MTFR1: variants seen among roughly 807,000 people sequenced by gnomAD.
MTFR1 encodes mitochondrial fission regulator 1.
A neutral mutation model predicts 38.8 loss-of-function variants in MTFR1; 28 were observed. The observed-to-expected ratio is 0.72, with a 90% CI of 0.53 to 0.99. The LOEUF (loss-of-function observed/expected upper bound fraction) is 0.99. Ranked by LOEUF, MTFR1 falls within the 50% of genes least tolerant of loss-of-function variation. The probability of loss-of-function intolerance (pLI) is 0.00; values close to 1 mark genes in which losing one functional copy is unlikely to be tolerated. For synonymous variants in MTFR1, 145 were observed against 137.0 expected (o/e 1.06, Z -0.41); for missense variants, 358 against 395.5 (o/e 0.91, Z 0.81).
chr8:65,747,203 C>A (rs1366902910), intron 3 of MTFR1, among the ~76,000 whole-genome samples: 3 of 152,150 alleles, frequency 2.0e-5, no homozygotes, highest in Non-Finnish European at 4.4e-5. Flanking sequence ...CACACACACA[C>A]ACAAAAAAGA....
Position 65,693,629 on chromosome 8 carries a change from A to G in MTFR1, c.166-15A>G, listed in dbSNP as rs75231692. 2.8e-3 allele frequency: 4,583 copies of G among 1,608,424 alleles called. 123 individuals are homozygous for G. In the African/African-American group the frequency reaches 0.054, roughly 19 times the overall value. On this transcript the variant is annotated splice_polypyrimidine_tract_variant and intron_variant, in intron 3 of 7. Transcript: ENST00000262146. ...CCATCTTTGGTGAAGAACTTTCCCTATTTATAACTTACAGATTAACAGCCA... is the reference window on the plus strand; with the variant it reads ...CCATCTTTGGTGAAGAACTTTCCCTGTTTATAACTTACAGATTAACAGCCA...
chr8:65,739,527 A>C (rs776319034), intron 3 of MTFR1: 1 of 1,569,772 alleles, frequency 6.4e-7, no homozygotes, highest in South Asian at 1.2e-5. Context: ...GTTTCATCAT[A>C]TCTAAATGGA....
intron 3 of MTFR1, among the ~76,000 whole-genome samples, chr8:65,749,322 T>A (rs1807826311): frequency 6.6e-6 from 1 of 152,210 alleles, no homozygotes; most frequent in African/African-American, 2.4e-5. Context: ...ATACTATTTT[T>A]AAAATATCTG....
chr8:65,690,750 G>A (rs1387175589), intron 3 of MTFR1, among the ~76,000 whole-genome samples: 2 of 152,110 alleles, frequency 1.3e-5, no homozygotes, highest in East Asian at 3.9e-4. Context: ...AAAGGGTCAT[G>A]ATCAGATTGA....
downstream of MTFR1, among the ~76,000 whole-genome samples, chr8:65,773,033 T>G (rs1238314954): frequency 6.6e-6 from 1 of 151,964 alleles, no homozygotes; most frequent in Non-Finnish European, 1.5e-5. Flanking sequence ...GAAAAAGTTT[T>G]GTAAGCTAAC....
At chr8:65,699,072 TTACAAG>T (rs1228788562) in intron 4 of MTFR1, among the ~76,000 whole-genome samples, 1 of 152,192 alleles carries the variant, frequency 6.6e-6, no homozygotes, top group Non-Finnish European at 1.5e-5. Flanking sequence ...TAGCTCTCAT[TTACAAG>T]TGAGAACATG....
chr8:65,745,447 A>G, intron 3 of MTFR1: 6 of 1,573,598 alleles, frequency 3.8e-6, no homozygotes, highest in African/African-American at 1.3e-5. Context: ...CAAAATTCCA[A>G]TTTCCAACTT....
rs112899909 is a variant in MTFR1, at chr8:65,724,425, G to A, written c.*48+4944G>A. On this transcript the variant is annotated intron_variant, in intron 3 of 3. Transcript: ENST00000521247. ...AATAATACCAAAGAACCAAGTGCAA[G>A]GACTGGATTAACCATAAATATAAAT... The A allele has an allele frequency of 5.4e-3, 4,890 of 912,212 alleles. 158 individuals are homozygous for A. The African/African-American group carries it at 0.072, about 13-fold the overall frequency. The allele number at this position is 912,212 out of a possible 1,614,324, so 56.5% of individuals were successfully genotyped here.
chr8:65,744,487 C>T (rs1202113508), intron 3 of MTFR1, among the ~76,000 whole-genome samples: 1 of 152,132 alleles, frequency 6.6e-6, no homozygotes, highest in Non-Finnish European at 1.5e-5. Context: ...AATAAGAAAA[C>T]ATGACCCCTC....
intron 4 of MTFR1, 76 bp from the exon 5 acceptor site, chr8:65,704,618 T>C: frequency 1.7e-6 from 2 of 1,204,030 alleles, no homozygotes; most frequent in Admixed American, 1.9e-5. Context: ...TTAATGCGGA[T>C]ACACTGTCAG....
the MTFR1 span, among the ~76,000 whole-genome samples, chr8:65,777,077 CTTTT>C: frequency 2.2e-5 from 2 of 90,458 alleles, no homozygotes; most frequent in Non-Finnish European, 2.1e-5. Context: ...TTATCAAATG[CTTTT>C]TTTTTTTTTT....
intron 3 of MTFR1, among the ~76,000 whole-genome samples, chr8:65,759,673 C>A (rs942128797): frequency 1.1e-4 from 16 of 152,158 alleles, no homozygotes; most frequent in Admixed American, 3.9e-4. Context: ...GAGGTTCTTA[C>A]TCTGTCATTT....
At chr8:65,760,001 A>T (rs1175238008) in intron 3 of MTFR1, among the ~76,000 whole-genome samples, 2 of 152,176 alleles carry the variant, frequency 1.3e-5, no homozygotes, top group African/African-American at 4.8e-5. Context: ...GCACTTTGGG[A>T]GCCCGAGGCA....
chr8:65,657,706 TAAA>T (rs59682546), intron 1 of MTFR1, among the ~76,000 whole-genome samples: 1 of 132,668 alleles, frequency 7.5e-6, no homozygotes, highest in Non-Finnish European at 1.6e-5. Flanking sequence ...AGACTGTCTC[TAAA>T]AAAAAAAAAA....
At chr8:65,755,627 T>G (rs1190531164) in intron 3 of MTFR1, among the ~76,000 whole-genome samples, 1 of 152,238 alleles carries the variant, frequency 6.6e-6, no homozygotes, top group Non-Finnish European at 1.5e-5. Context: ...CATTTGCCTT[T>G]TAAATCATAT....
chr8:65,729,091 A>G (rs1448303069), intron 3 of MTFR1, among the ~76,000 whole-genome samples: 1 of 152,250 alleles, frequency 6.6e-6, no homozygotes, highest in African/African-American at 2.4e-5. Flanking sequence ...GGTGGATTAA[A>G]AGACAGATGT....
downstream of MTFR1, among the ~76,000 whole-genome samples, chr8:65,774,305 T>G (rs547225444): frequency 1.2e-3 from 155 of 133,044 alleles, no homozygotes; most frequent in African/African-American, 5.4e-3. Context: ...TGTACTGACA[T>G]TTATAGTGAG....
intron 3 of MTFR1, among the ~76,000 whole-genome samples, chr8:65,768,454 C>A (rs1262075561): frequency 6.6e-6 from 1 of 152,168 alleles, no homozygotes; most frequent in Non-Finnish European, 1.5e-5. Flanking sequence ...AGTTTCCCTG[C>A]ACAACCTCTC....
intron 3 of MTFR1, among the ~76,000 whole-genome samples, chr8:65,744,088 C>T (rs894835561): frequency 2.0e-5 from 3 of 152,222 alleles, no homozygotes; most frequent in African/African-American, 7.2e-5. Flanking sequence ...CAGCCTTGGC[C>T]TGCCAAAGTG....
Sources: allele counts gnomAD v4.1 joint callset (sites outside exome capture counted in the v4.1 genomes callset), GRCh38; gene constraint gnomAD v4.1.1; transcripts MANE v1.5; gene names NCBI Gene and HGNC (gene_info 2026-07-23, HGNC 2026-07-21).